Variants in RANBP17 observed in about 807,000 individuals in gnomAD.
The protein encoded by RANBP17 is RAN binding protein 17.
In RANBP17, 158 loss-of-function variants were observed where a neutral mutation model predicts 141.2. The ratio of observed to expected loss-of-function variants is 1.12; its 90% CI spans 0.98 to 1.28. The LOEUF (loss-of-function observed/expected upper bound fraction) is 1.28, where lower values mean the gene tolerates loss of function less well. Ranked by LOEUF, RANBP17 falls within the 50% of genes most tolerant of loss-of-function variation. RANBP17 has a pLI of 0.00. For missense variants in RANBP17, 1,438 were observed against 1,290.7 expected (o/e 1.11, Z -1.75); for synonymous variants, 430 against 450.0 (o/e 0.96, Z 0.56).
chr5:170,997,944 T>C (rs961162501), intron 14 of RANBP17, among the ~76,000 whole-genome samples: 4 of 151,884 alleles, frequency 2.6e-5, no homozygotes, highest in South Asian at 2.1e-4. Context: ...AAGAAACATA[T>C]TAATTTTAAA....
rs555149935 is a variant in RANBP17 at position 170,932,068 on chromosome 5, C to T, written c.1468+7518C>T. On this transcript the variant is annotated intron_variant, in intron 12 of 27. Transcript: ENST00000523189. ...GGAATGTTCTTCCATTTGTTTGTAT[C>T]CTCTTTTATTTCACTGAGCAGTGGT... 2.6e-5 allele frequency among the ~76,000 whole-genome samples: 4 copies of T among 152,182 alleles called. No individual in the cohort carries two copies. In the East Asian group the frequency reaches 7.7e-4, roughly 29 times the overall value.
At chr5:171,120,562 T>G (rs1403444311) in intron 14 of RANBP17, among the ~76,000 whole-genome samples, 1 of 152,246 alleles carries the variant, frequency 6.6e-6, no homozygotes, top group Non-Finnish European at 1.5e-5. Flanking sequence ...GTCTGTTCTT[T>G]TTATGCTCTC....
intron 12 of RANBP17, among the ~76,000 whole-genome samples, chr5:170,941,824 C>T (rs949418410): frequency 6.6e-6 from 1 of 152,122 alleles, no homozygotes; most frequent in Non-Finnish European, 1.5e-5. Context: ...AAAGTGGAAT[C>T]AGTTGGAAAT....
intron 7 of RANBP17, among the ~76,000 whole-genome samples, chr5:170,913,216 T>G (rs1467970693): frequency 6.6e-6 from 1 of 151,838 alleles, no homozygotes; most frequent in Non-Finnish European, 1.5e-5. Flanking sequence ...GCAAAGAAAG[T>G]GGAAGATAAT....
intron 25 of RANBP17, among the ~76,000 whole-genome samples, chr5:171,289,549 G>T (rs1313735846): frequency 6.6e-6 from 1 of 151,864 alleles, no homozygotes; most frequent in Non-Finnish European, 1.5e-5. Context: ...ACCAGCCTGG[G>T]CAACAAAAAG....
At chr5:171,083,720 T>C (rs1264129623) in intron 14 of RANBP17, among the ~76,000 whole-genome samples, 1 of 152,118 alleles carries the variant, frequency 6.6e-6, no homozygotes, top group South Asian at 2.1e-4. Context: ...AGGAACCCAG[T>C]GGGAGGTAAG....
chr5:171,122,119 C>T (rs1756083334), intron 14 of RANBP17, among the ~76,000 whole-genome samples: 1 of 152,170 alleles, frequency 6.6e-6, no homozygotes, highest in African/African-American at 2.4e-5. Flanking sequence ...CTACGCAGAT[C>T]CAGTCCACAC....
chr5:171,140,900 C>T (rs1389734306), intron 14 of RANBP17, among the ~76,000 whole-genome samples: 2 of 152,176 alleles, frequency 1.3e-5, no homozygotes, highest in African/African-American at 4.8e-5. Flanking sequence ...CCAGAATATT[C>T]CACACTACCT....
chr5:171,123,864 C>A (rs1340940904), intron 14 of RANBP17, among the ~76,000 whole-genome samples: 2 of 152,168 alleles, frequency 1.3e-5, no homozygotes, highest in South Asian at 2.1e-4. Context: ...CTCTACTTAA[C>A]CAACACTACA....
At chr5:170,938,332 C>G (rs1774054621) in intron 12 of RANBP17, among the ~76,000 whole-genome samples, 1 of 152,130 alleles carries the variant, frequency 6.6e-6, no homozygotes, top group Admixed American at 6.5e-5. Flanking sequence ...AAAACCTCTT[C>G]CAAAGGATCA....
chr5:171,166,056 T>C (rs1333704616), intron 14 of RANBP17, among the ~76,000 whole-genome samples: 1 of 152,182 alleles, frequency 6.6e-6, no homozygotes, highest in Non-Finnish European at 1.5e-5. Flanking sequence ...ATTCTTTTTA[T>C]TCATTTAAGA....
At chr5:170,903,705 G>T in intron 5 of RANBP17, 2 of 308,658 alleles carry the variant, frequency 6.5e-6, no homozygotes, top group South Asian at 8.0e-5. Flanking sequence ...GTCTTTATTT[G>T]ACATCATTAG....
Position 170,914,164 on chromosome 5 carries a change from C to T in RANBP17, c.761-3C>T. On this transcript the variant is annotated splice_polypyrimidine_tract_variant and splice_region_variant and intron_variant, in intron 7 of 27. Transcript: ENST00000523189. ...GGTGTTAGAAAATAATTTTTTTTCC[C>T]AGTTTTCCTGGAACCAGAAACATTG... The T allele has an allele frequency of 6.3e-7, 1 of 1,596,606 alleles. No homozygotes were observed. Among genetic ancestry groups the T allele is most frequent in the South Asian group, 1.1e-5 (1 of 90,582 alleles).
At chr5:170,887,311 A>C (rs1490902140) in intron 3 of RANBP17, among the ~76,000 whole-genome samples, 2 of 152,130 alleles carry the variant, frequency 1.3e-5, no homozygotes, top group African/African-American at 4.8e-5. Context: ...TACCTTATTC[A>C]TTCTTTCTTT....
intron 24 of RANBP17, chr5:171,252,943 A>G (rs1765664712): frequency 1.4e-6 from 2 of 1,454,322 alleles, no homozygotes; most frequent in Admixed American, 1.7e-5. Context: ...TATCTCAAAG[A>G]ACTCTGAGTC....
intron 24 of RANBP17, among the ~76,000 whole-genome samples, chr5:171,261,090 C>CCAAAAAAAAAAAAAAAAAAAA (rs1554125343): frequency 1.5e-5 from 1 of 68,490 alleles, no homozygotes; most frequent in African/African-American, 6.1e-5. Context: ...CCACCCCCCC[C>CCAAAAAAAAAAAAAAAAAAAA]AAAAAAAAAA....
In RANBP17 at chr5:171,294,179, G is replaced by A. The variant is rs80243603; in HGVS notation, c.3042+198G>A. On this transcript the variant is annotated intron_variant, in intron 26 of 27. Coordinates refer to ENST00000523189, the MANE Select transcript of RANBP17 (RefSeq NM_022897.5). ...CTCAGATCTTCTTCAGGTAAGCAGA[G>A]GCCTCAAAACGAGTGCTTCTGGAGC... 3.1e-3 allele frequency among the ~76,000 whole-genome samples: 467 copies of A among 152,256 alleles called. 13 individuals are homozygous for A. The East Asian group carries it at 0.049, about 16-fold the overall frequency.
intron 14 of RANBP17, among the ~76,000 whole-genome samples, chr5:171,119,494 C>T (rs1755869933): frequency 6.6e-6 from 1 of 152,160 alleles, no homozygotes; most frequent in South Asian, 2.1e-4. Context: ...CCATCTGCTC[C>T]TGGACTTTTC....
chr5:170,979,155 G>A (rs1355471015), intron 14 of RANBP17, among the ~76,000 whole-genome samples: 1 of 152,154 alleles, frequency 6.6e-6, no homozygotes, highest in Non-Finnish European at 1.5e-5. Context: ...CATGGGATTA[G>A]TAAACACTAA....
Sources: gnomAD v4.1 joint callset for allele counts (sites outside exome capture counted in the v4.1 genomes callset) on GRCh38, gnomAD v4.1.1 for gene constraint, MANE v1.5 for transcripts, NCBI Gene and HGNC (gene_info 2026-07-23, HGNC 2026-07-21) for gene names.